Variants in STAM observed in about 807,000 individuals in gnomAD.
The protein encoded by STAM is signal transducing adapter molecule 1.
Under a neutral mutation model 63.4 loss-of-function variants are expected in STAM, and 16 were observed. The ratio of observed to expected loss-of-function variants is 0.25; its 90% CI spans 0.17 to 0.38. The LOEUF (loss-of-function observed/expected upper bound fraction) is 0.38. Ranked by LOEUF, STAM falls within the 10% of genes least tolerant of loss-of-function variation. STAM has a pLI of 1.00. For missense variants in STAM, 636 were observed against 657.1 expected, an observed-to-expected ratio of 0.97 and a Z score of 0.35; for synonymous variants, 238 against 223.9, an observed-to-expected ratio of 1.06 and a Z score of -0.56.
rs1262769825 is a variant in STAM, at chr10:17,660,491, C to G, written c.68C>G (p.Ala23Gly). Residue 23 changes from alanine to glycine, a missense_variant, in exon 2 of 14, where the codon GCT becomes GGT. Physicochemically the swap from Ala to Gly is moderately conservative, Grantham distance 60 (BLOSUM62 0). Transcript: ENST00000377524. ...AAAGCAACCAGCGAGATGAATACTGCTGAGGACTGGGGCCTCATTTTGGAT... is the reference window on the plus strand; with the variant it reads ...AAAGCAACCAGCGAGATGAATACTGGTGAGGACTGGGGCCTCATTTTGGAT... ...VEKATSEMNT[A>G]EDWGLILDIC... is the part of the protein sequence containing the mutation. 36 of 1,606,760 alleles carry G rather than the reference C, an allele frequency of 2.2e-5. No individual in the cohort carries two copies. Among genetic ancestry groups the G allele is most frequent in the Non-Finnish European group, 2.8e-5 (33 of 1,176,494 alleles).
intron 2 of STAM, among the ~76,000 whole-genome samples, chr10:17,674,786 A>G (rs1304316178): frequency 6.6e-6 from 1 of 152,214 alleles, no homozygotes; most frequent in African/African-American, 2.4e-5. Flanking sequence ...TTATCTTTGG[A>G]ATACATAATT....
chr10:17,687,096 CTCTT>C (rs1231914054), intron 4 of STAM, among the ~76,000 whole-genome samples: 3 of 152,280 alleles, frequency 2.0e-5, no homozygotes, highest in East Asian at 1.9e-4. Flanking sequence ...CTACATTTAT[CTCTT>C]TCTTTAATAC....
intron 2 of STAM, among the ~76,000 whole-genome samples, chr10:17,667,614 A>G (rs931442794): frequency 2.6e-5 from 4 of 152,246 alleles, no homozygotes; most frequent in African/African-American, 9.6e-5. Context: ...CTTTGCCGTC[A>G]ATGGTGCTAA....
At chr10:17,708,733 T>A (rs904035595) in intron 12 of STAM, 43 bp from the exon 13 acceptor site, 4 of 1,538,672 alleles carry the variant, frequency 2.6e-6, no homozygotes, top group Non-Finnish European at 3.5e-6. Flanking sequence ...GTATGCTTAT[T>A]AAAATTTTAG....
At chr10:17,685,024 A>G in intron 4 of STAM, 97 bp downstream of exon 4, 1 of 965,182 alleles carries the variant, frequency 1.0e-6, no homozygotes, top group South Asian at 1.7e-5. Context: ...TGTGCTTTTT[A>G]AGAAATCCTT....
At position 17,716,418 on chromosome 10, in the gene STAM, G is replaced by A. The variant is rs1446392499; in HGVS notation, c.*1638G>A. Among the ~76,000 whole-genome samples the A allele has an allele frequency of 6.6e-6, 1 of 151,840 alleles. No individual in the cohort carries two copies. The highest frequency in any genetic ancestry group is 1.5e-5 in the Non-Finnish European group (1 of 67,954). On this transcript the variant is annotated 3_prime_UTR_variant, in exon 14 of 14. Transcript: ENST00000377524. Reference sequence around the variant, plus strand: ...TACTTAAGGGTAACTTAAGTGTTTCGCTCAAGTGTTGTGTTCTGATTTCCT... The same window carrying A: ...TACTTAAGGGTAACTTAAGTGTTTCACTCAAGTGTTGTGTTCTGATTTCCT...
At chr10:17,688,296 A>C (rs1835378443) in intron 5 of STAM, 123 bp downstream of exon 5, 1 of 965,414 alleles carries the variant, frequency 1.0e-6, no homozygotes, top group Admixed American at 2.8e-5. Context: ...TTCGTTAGCT[A>C]ATTGTGTTAG....
chr10:17,706,570 G>A (rs950044139), intron 12 of STAM, among the ~76,000 whole-genome samples: 12 of 151,778 alleles, frequency 7.9e-5, no homozygotes, highest in Admixed American at 4.6e-4. Context: ...TAGTAGAGAC[G>A]GGGTTTCGCC....
In STAM at chr10:17,699,489, GT is replaced by G. The variant is rs1195704065; in HGVS notation, c.824-697del. On this transcript the variant is annotated intron_variant, in intron 8 of 13. Coordinates refer to ENST00000377524, the MANE Select transcript of STAM (RefSeq NM_003473.4). ...TATATAGCTACTGTTATGTTAAATT[GT>G]TTTTAAAGATTGCTTTGGTGAGTAG... Among the ~76,000 whole-genome samples the G allele has an allele frequency of 5.3e-5, 8 of 152,310 alleles. No homozygotes were observed. In the East Asian group the frequency reaches 1.5e-3, roughly 29 times the overall value.
At chr10:17,653,557 C>A (rs1554821796) in intron 1 of STAM, among the ~76,000 whole-genome samples, 2 of 152,146 alleles carry the variant, frequency 1.3e-5, no homozygotes, top group East Asian at 1.9e-4. Context: ...TTGTTTGTAT[C>A]TGGGGGTCTG....
At chr10:17,649,422 A>G (rs1284197161) in intron 1 of STAM, among the ~76,000 whole-genome samples, 1 of 151,770 alleles carries the variant, frequency 6.6e-6, no homozygotes, top group Non-Finnish European at 1.5e-5. Flanking sequence ...ATTAAAAAAA[A>G]TGCATCTTTA....
At chr10:17,672,590 CA>C (rs1834685352) in intron 2 of STAM, among the ~76,000 whole-genome samples, 1 of 152,178 alleles carries the variant, frequency 6.6e-6, no homozygotes, top group Non-Finnish European at 1.5e-5. Flanking sequence ...TCGGAGCATG[CA>C]TATTTTATCT....
At chr10:17,697,441 A>T (rs1289580037) in intron 8 of STAM, among the ~76,000 whole-genome samples, 5 of 152,202 alleles carry the variant, frequency 3.3e-5, no homozygotes, top group African/African-American at 1.2e-4. Flanking sequence ...GTGTTCTCCA[A>T]GCAACATGTC....
Position 17,700,197 on chromosome 10 carries a change from C to T in STAM, c.830C>T (p.Thr277Ile). The change falls in exon 9 of 14, where the codon ACA (threonine) becomes ATA (isoleucine). Residue 277 changes from threonine to isoleucine, a missense_variant. Physicochemically the swap from Thr to Ile is moderately conservative, Grantham distance 89. Coordinates refer to ENST00000377524, the MANE Select transcript of STAM (RefSeq NM_003473.4). ...DLTAEPEMIK[T>I]EKKTVQFSDD... ...ACTTTTACATATCTTACAGTTAAAA[C>T]AGAGAAGAAGACGGTACAATTTAGT... 4 of 1,602,752 alleles carry T rather than the reference C, an allele frequency of 2.5e-6. No homozygotes were observed. Among genetic ancestry groups the T allele is most frequent in the Non-Finnish European group, 3.4e-6 (4 of 1,175,350 alleles).
At chr10:17,706,785 A>AT (rs1345549718) in intron 12 of STAM, among the ~76,000 whole-genome samples, 1 of 152,124 alleles carries the variant, frequency 6.6e-6, no homozygotes, top group Non-Finnish European at 1.5e-5. Flanking sequence ...GGTCAGACAT[A>AT]TCTCAATAAA....
chr10:17,705,830 G>A (rs1836239239), intron 12 of STAM, 89 bp downstream of exon 12: 6 of 1,316,808 alleles, frequency 4.6e-6, no homozygotes, highest in Non-Finnish European at 6.2e-6. Context: ...CAATTTGGGA[G>A]GCCAAGGCAA....
At position 17,680,416 on chromosome 10, in the gene STAM, C is replaced by CTT. The variant is rs369061075; in HGVS notation, c.126-4245_126-4244dup. ...CTTTCTGTCTATGATTTTGACTACT[C>CTT]TTTTTTTTTTTTTTTCTTTTTTTGG... is the stretch of plus-strand genomic sequence containing the variant. On this transcript the variant is annotated intron_variant, in intron 2 of 13. Transcript: ENST00000377524. Among the ~76,000 whole-genome samples the CTT allele has an allele frequency of 9.3e-4, 132 of 142,292 alleles. 1 individual carries two copies. The highest frequency in any genetic ancestry group is 3.6e-3 in the Middle Eastern group (1 of 274). The allele number at this position is 142,292 out of a possible 152,430, so 93.3% of individuals were successfully genotyped here.
At position 17,703,662 on chromosome 10, in the gene STAM, C is replaced by T. The variant is rs577572363; in HGVS notation, c.913-769C>T. Among the ~76,000 whole-genome samples the T allele has an allele frequency of 3.3e-5, 5 of 152,234 alleles. No individual in the cohort carries two copies. In the East Asian group the frequency reaches 7.7e-4, roughly 23 times the overall value. On this transcript the variant is annotated intron_variant, in intron 9 of 13. Coordinates refer to ENST00000377524, the MANE Select transcript of STAM (RefSeq NM_003473.4). ...GTTTCATTCATTCCATTGGTCTGTA[C>T]AACAAAAGATTCTGAAATAGATCTG...
At chr10:17,674,049 G>C (rs1397480076) in intron 2 of STAM, among the ~76,000 whole-genome samples, 1 of 152,194 alleles carries the variant, frequency 6.6e-6, no homozygotes, top group Non-Finnish European at 1.5e-5. Flanking sequence ...AGGGTTTTGA[G>C]AAGTGATCCA....
Sources: allele counts gnomAD v4.1 joint callset (sites outside exome capture counted in the v4.1 genomes callset), GRCh38; gene constraint gnomAD v4.1.1; transcripts MANE v1.5; gene names NCBI Gene and HGNC (gene_info 2026-07-23, HGNC 2026-07-21).